ENDOV: variants seen among roughly 807,000 people sequenced by gnomAD.
ENDOV encodes hEndoV.
Under a neutral mutation model 39.4 loss-of-function variants are expected in ENDOV, and 37 were observed. The ratio of observed to expected loss-of-function variants is 0.94; its 90% CI spans 0.72 to 1.23. The LOEUF (loss-of-function observed/expected upper bound fraction) is 1.23, where lower values mean the gene tolerates loss of function less well. Ranked by LOEUF, ENDOV falls within the 50% of genes most tolerant of loss-of-function variation. ENDOV has a pLI of 0.00. For missense variants in ENDOV, 441 were observed against 375.7 expected (o/e 1.17, Z -1.44); for synonymous variants, 186 against 163.4 (o/e 1.14, Z -1.05).
chr17:80,416,487 T>C (rs1220961905), intron 2 of ENDOV, among the ~76,000 whole-genome samples: 1 of 152,096 alleles, frequency 6.6e-6, no homozygotes, highest in Non-Finnish European at 1.5e-5. Context: ...TTATTCTGCC[T>C]CTTAAATGTC....
chr17:80,423,658 T>C, intron 5 of ENDOV, 26 bp downstream of exon 5: 2 of 1,542,874 alleles, frequency 1.3e-6, no homozygotes, highest in African/African-American at 1.4e-5. Flanking sequence ...CTGCAGGCCA[T>C]GCCCGGCAGC....
chr17:80,434,368 C>G (rs369490132), intron 9 of ENDOV, among the ~76,000 whole-genome samples: 16 of 152,284 alleles, frequency 1.1e-4, no homozygotes, highest in African/African-American at 3.9e-4. Context: ...TGGGTTTTTT[C>G]CATTCAGGGC....
rs964123860 is a variant in ENDOV, at chr17:80,425,719, A to G, written c.714+99A>G. The G allele has an allele frequency of 4.6e-6, 7 of 1,506,462 alleles. No individual in the cohort carries two copies. In the African/African-American group the frequency reaches 5.6e-5, roughly 12 times the overall value. 93.3% of individuals were successfully genotyped at this position (1,506,462 alleles called of 1,614,324 possible). A position where few individuals can be genotyped will look rare whatever the true frequency, so the allele number is the denominator to read the frequency against. On this transcript the variant is annotated intron_variant, in intron 7 of 9. Coordinates refer to ENST00000518137, the MANE Select transcript of ENDOV (RefSeq NM_173627.5). ...AGCAGCTCAGCTGGGGTCAGAGTGC[A>G]GTGACATGAGGACGGGGGTTCCTGG...
At position 80,416,130 on chromosome 17, in the gene ENDOV, G is replaced by A. The variant is rs1349978030; in HGVS notation, c.228+309G>A. ...CATATACCTGTAATCCCAGCTACTC[G>A]GAAGGCTGAGGCGGGAGAATCGCTT... On this transcript the variant is annotated intron_variant, in intron 2 of 9. Transcript: ENST00000518137. 44 of 232,878 alleles carry A rather than the reference G, an allele frequency of 1.9e-4. No homozygotes were observed. In the Admixed American group the frequency reaches 2.4e-3, roughly 13 times the overall value. 14.4% of individuals were successfully genotyped at this position (232,878 alleles called of 1,614,324 possible).
rs115457695 is a variant in ENDOV, at chr17:80,427,405, C to T, written c.715-1191C>T. The T allele has an allele frequency of 1.5e-3, 1,493 of 985,034 alleles. 18 individuals carry two copies. The African/African-American group carries it at 0.021, about 14-fold the overall frequency. The allele number at this position is 985,034 out of a possible 1,614,324, so 61.0% of individuals were successfully genotyped here. On this transcript the variant is annotated intron_variant, in intron 7 of 9. Transcript: ENST00000518137. Reference sequence around the variant, plus strand: ...AGAGTAGGACAGTGGCCCATCCTTGCAAGGGAGGGGACACCTGGCCTGTGA... The same window carrying T: ...AGAGTAGGACAGTGGCCCATCCTTGTAAGGGAGGGGACACCTGGCCTGTGA...
Position 80,423,790 on chromosome 17 carries a change from G to C in ENDOV, c.516+158G>C, listed in dbSNP as rs540310042. 8.9e-6 allele frequency: 6 copies of C among 671,022 alleles called. No homozygotes were observed. In the East Asian group the frequency reaches 1.7e-4, roughly 19 times the overall value. 41.6% of individuals were successfully genotyped at this position (671,022 alleles called of 1,614,324 possible). Reference sequence around the variant, plus strand: ...GAGTAAGAAAGACCTGCTTTCCTCTGGGTGCTGCATTGCCTGTCTCAGCTG... The same window carrying C: ...GAGTAAGAAAGACCTGCTTTCCTCTCGGTGCTGCATTGCCTGTCTCAGCTG... On this transcript the variant is annotated intron_variant, in intron 5 of 9. Coordinates refer to ENST00000518137, the MANE Select transcript of ENDOV (RefSeq NM_173627.5).
chr17:80,425,634 G>C lies in ENDOV; in HGVS notation c.714+14G>C, dbSNP rs2082604790. On this transcript the variant is annotated intron_variant, in intron 7 of 9. Coordinates refer to ENST00000518137, the MANE Select transcript of ENDOV (RefSeq NM_173627.5). ...CCCGTGCGCCAGGTGGGTGTGCTGG[G>C]GATGCGGGGAGGCAGCACAGGCTCC... 3.8e-6 allele frequency: 6 copies of C among 1,569,406 alleles called. No individual in the cohort carries two copies. Among genetic ancestry groups the C allele is most frequent in the South Asian group, 1.2e-5 (1 of 85,954 alleles).
At chr17:80,431,326 G>T (rs1277927658) in intron 9 of ENDOV, among the ~76,000 whole-genome samples, 1 of 152,210 alleles carries the variant, frequency 6.6e-6, no homozygotes, top group Non-Finnish European at 1.5e-5. Flanking sequence ...GCTTTGGAGG[G>T]CTGGGCTGCA....
chr17:80,425,134 C>T (rs2145007574), intron 6 of ENDOV, 34 bp downstream of exon 6: 1 of 1,573,354 alleles, frequency 6.4e-7, no homozygotes, highest in East Asian at 2.3e-5. Flanking sequence ...CCTCCAAAGC[C>T]CCGGGGTAGG....
intron 5 of ENDOV, 29 bp downstream of exon 5, chr17:80,423,661 C>A: frequency 6.5e-7 from 1 of 1,544,948 alleles, no homozygotes; most frequent in Non-Finnish European, 8.7e-7. Flanking sequence ...CAGGCCATGC[C>A]CGGCAGCTCA....
chr17:80,428,132 C>T (rs907657527), intron 7 of ENDOV, among the ~76,000 whole-genome samples: 11 of 152,218 alleles, frequency 7.2e-5, no homozygotes, highest in Non-Finnish European at 1.2e-4. Flanking sequence ...ATTCTGGAGA[C>T]GGGACAGGGG....
chr17:80,427,552 C>T, intron 7 of ENDOV: 1 of 1,065,332 alleles, frequency 9.4e-7, no homozygotes, highest in Non-Finnish European at 1.1e-6. Context: ...ATGCAGCCAC[C>T]CCGTACCAGG....
intron 9 of ENDOV, among the ~76,000 whole-genome samples, chr17:80,432,051 C>T (rs965387391): frequency 1.3e-4 from 19 of 151,956 alleles, no homozygotes; most frequent in Non-Finnish European, 2.6e-4. Context: ...GGGTGCAGAC[C>T]GGTCTAGATG....
intron 2 of ENDOV, 127 bp from the exon 3 acceptor site, chr17:80,421,701 G>A (rs1173228676): frequency 7.9e-7 from 1 of 1,258,258 alleles, no homozygotes; most frequent in East Asian, 2.5e-5. Context: ...AGGTGAGGCA[G>A]GGAAGGGGAG....
intron 5 of ENDOV, 172 bp downstream of exon 5, chr17:80,423,804 C>T (rs938237830): frequency 9.4e-6 from 6 of 635,428 alleles, no homozygotes; most frequent in Non-Finnish European, 1.3e-5. Context: ...GCTGCATTGC[C>T]TGTCTCAGCT....
chr17:80,421,073 G>T (rs2081951524), intron 2 of ENDOV, among the ~76,000 whole-genome samples: 1 of 152,206 alleles, frequency 6.6e-6, no homozygotes, highest in South Asian at 2.1e-4. Context: ...AAAGCAAGGG[G>T]CAGGCAGAGG....
chr17:80,435,943 CAG>C (rs1386482685), intron 9 of ENDOV, among the ~76,000 whole-genome samples, 188 bp from the exon 10 acceptor site: 3 of 152,068 alleles, frequency 2.0e-5, no homozygotes, highest in Non-Finnish European at 4.4e-5. Context: ...TTTGTAAAGA[CAG>C]GGTCTCACCA....
Position 80,436,434 on chromosome 17 carries a change from T to A in ENDOV, c.*291T>A. 8.0e-7 allele frequency: 1 copy of A among 1,252,562 alleles called. No homozygotes were observed. Among genetic ancestry groups the A allele is most frequent in the Non-Finnish European group, 1.1e-6 (1 of 951,086 alleles). The allele number at this position is 1,252,562 out of a possible 1,614,324, so 77.6% of individuals were successfully genotyped here. The stretch of plus-strand genomic sequence containing the variant: ...TTTTCAAGGATGCTCTTCATCCAGC[T>A]GAAGACGGTCCCTTCTAGTCCTAAT... On this transcript the variant is annotated 3_prime_UTR_variant, in exon 10 of 10. Transcript: ENST00000518137.
chr17:80,428,448 C>G, intron 7 of ENDOV, 148 bp from the exon 8 acceptor site: 1 of 738,582 alleles, frequency 1.4e-6, no homozygotes, highest in Non-Finnish European at 2.2e-6. Context: ...CTGACAGGGC[C>G]GCGGCTCCTG....
Sources: gnomAD v4.1 joint callset for allele counts (sites outside exome capture counted in the v4.1 genomes callset) on GRCh38, gnomAD v4.1.1 for gene constraint, MANE v1.5 for transcripts, NCBI Gene and HGNC (gene_info 2026-07-23, HGNC 2026-07-21) for gene names.